The following POFUT2 variants were observed in gnomAD, a reference collection of about 807,000 sequenced individuals.
The protein encoded by POFUT2 is GDP-fucose protein O-fucosyltransferase 2.
Under a neutral mutation model 55.0 loss-of-function variants are expected in POFUT2, and 30 were observed. The ratio of observed to expected loss-of-function variants is 0.55; its 90% CI spans 0.41 to 0.74. The LOEUF is 0.74. Among genes scored for constraint, POFUT2 ranks in the 30% least tolerant of loss-of-function variants. The probability of loss-of-function intolerance (pLI) is 0.00; values close to 1 mark genes in which losing one functional copy is unlikely to be tolerated. For synonymous variants in POFUT2, 267 were observed against 231.1 expected, an observed-to-expected ratio of 1.16 and a Z score of -1.41; for missense variants, 524 against 562.6, an observed-to-expected ratio of 0.93 and a Z score of 0.69.
chr21:45,265,444 G>T lies in POFUT2; in HGVS notation c.*38C>A. On this transcript the variant is annotated 3_prime_UTR_variant, in exon 9 of 9. Transcript: ENST00000349485. The surrounding 1 kb of genome is among the most constrained non-coding windows in gnomAD (Gnocchi z 4.6). ...GGCGACAGAACCTGCATCCACCCGCGCCTGTCGGGTCCGGGGAGCGGCCCT... is the reference window on the plus strand; with the variant it reads ...GGCGACAGAACCTGCATCCACCCGCTCCTGTCGGGTCCGGGGAGCGGCCCT... 1 of 1,559,938 alleles carries T rather than the reference G, an allele frequency of 6.4e-7. No individual in the cohort carries two copies. Among genetic ancestry groups the T allele is most frequent in the Non-Finnish European group, 8.7e-7 (1 of 1,146,296 alleles).
intron 8 of POFUT2, chr21:45,266,883 C>A (rs913008042): frequency 7.9e-6 from 8 of 1,007,346 alleles, no homozygotes; most frequent in African/African-American, 1.7e-5. Flanking sequence ...TAACTCAAAC[C>A]GTTTCACCCT....
chr21:45,275,767 A>C (rs924246632), intron 6 of POFUT2, among the ~76,000 whole-genome samples: 2 of 152,190 alleles, frequency 1.3e-5, no homozygotes, highest in Non-Finnish European at 2.9e-5. Context: ...TGAGGGATAA[A>C]AGACTACACA....
intron 4 of POFUT2, among the ~76,000 whole-genome samples, chr21:45,279,099 A>G (rs527691302): frequency 2.0e-5 from 3 of 152,354 alleles, no homozygotes; most frequent in African/African-American, 7.2e-5. Context: ...AAAAATAAAA[A>G]TTTTAATTTT....
chr21:45,268,639 C>T (rs1296506512), intron 7 of POFUT2, among the ~76,000 whole-genome samples: 1 of 151,962 alleles, frequency 6.6e-6, no homozygotes, highest in Non-Finnish European at 1.5e-5. Context: ...CCCGCCGCCC[C>T]ATCTGGGATG....
chr21:45,264,210 C>CCT lies in POFUT2; in HGVS notation c.*1271_*1272insAG, dbSNP rs200368913. Reference sequence around the variant, plus strand: ...GGCTCCGAAAGGAAGAGCTGTCTGTCCCTCCTAACTGTCCTCTCTCTGTCA... The same window carrying CCT: ...GGCTCCGAAAGGAAGAGCTGTCTGTCCTCCTCCTAACTGTCCTCTCTCTGTCA... On this transcript the variant is annotated 3_prime_UTR_variant, in exon 9 of 9. Coordinates refer to ENST00000349485, the MANE Select transcript of POFUT2 (RefSeq NM_133635.6). The CCT allele has an allele frequency of 5.5e-4, 64 of 117,352 alleles. No individual in the cohort carries two copies. Among genetic ancestry groups the CCT allele is most frequent in the African/African-American group, 2.8e-3 (64 of 22,952 alleles). 7.3% of individuals were successfully genotyped at this position (117,352 alleles called of 1,614,324 possible).
intron 4 of POFUT2, among the ~76,000 whole-genome samples, chr21:45,280,208 C>G (rs1406053991): frequency 2.0e-5 from 3 of 152,240 alleles, no homozygotes; most frequent in South Asian, 2.1e-4. Flanking sequence ...CAGGGGCCTC[C>G]CCGGCATCCT....
rs778849921 is a variant in POFUT2 at position 45,287,695 on chromosome 21, G to A, written c.131+46C>T. The A allele has an allele frequency of 4.9e-6, 6 of 1,222,876 alleles. No homozygotes were observed. The African/African-American group carries it at 8.2e-5, about 17-fold the overall frequency. The allele number at this position is 1,222,876 out of a possible 1,614,324, so 75.8% of individuals were successfully genotyped here. On this transcript the variant is annotated intron_variant, in intron 1 of 8. Coordinates refer to ENST00000349485, the MANE Select transcript of POFUT2 (RefSeq NM_133635.6). The stretch of plus-strand genomic sequence containing the variant: ...CGCCCCCATCCCATCCTCTGACCCT[G>A]CCCGGTCCTGGAACCCCAGCGTTGG...
intron 1 of POFUT2, among the ~76,000 whole-genome samples, chr21:45,287,287 C>T (rs1388672827): frequency 1.1e-5 from 1 of 94,596 alleles, no homozygotes; most frequent in African/African-American, 4.3e-5. Context: ...CCCTCGGGCC[C>T]CCGTTCCTGC....
Position 45,285,509 on chromosome 21 carries a change from C to A in POFUT2, c.382+169G>T. 1 of 761,990 alleles carries A rather than the reference C, an allele frequency of 1.3e-6. No homozygotes were observed. The highest frequency in any genetic ancestry group is 1.4e-5 in the South Asian group (1 of 69,216). 47.2% of individuals were successfully genotyped at this position (761,990 alleles called of 1,614,324 possible). On this transcript the variant is annotated intron_variant, in intron 2 of 8. Coordinates refer to ENST00000349485, the MANE Select transcript of POFUT2 (RefSeq NM_133635.6). The surrounding 1 kb of genome is among the most constrained non-coding windows in gnomAD (Gnocchi z 4.9). ...ACTGCAGCGTGGGAAAGGGACTGTG[C>A]TCCTGAACGGAGGAGGTGCTGCCAC...
Position 45,270,608 on chromosome 21 carries a change from C to T in POFUT2, c.832-589G>A, listed in dbSNP as rs1234506217. On this transcript the variant is annotated intron_variant, in intron 6 of 8. Transcript: ENST00000349485. This position sits in a 1 kb window ranked among gnomAD's most constrained non-coding sequence, Gnocchi z 4.6. ...ACCAGCATTCGAGAAAGCCAGTGCA[C>T]TCAACAAAACTACAACCAAGGACCC... is the stretch of plus-strand genomic sequence containing the variant. Among the ~76,000 whole-genome samples the T allele has an allele frequency of 6.6e-6, 1 of 152,246 alleles. No individual in the cohort carries two copies. Among genetic ancestry groups the T allele is most frequent in the African/African-American group, 2.4e-5 (1 of 41,458 alleles).
chr21:45,283,023 G>C, intron 3 of POFUT2: 1 of 431,110 alleles, frequency 2.3e-6, no homozygotes, highest in East Asian at 7.0e-5. Flanking sequence ...CCATTCTCCA[G>C]GCCTCAGCAC....
chr21:45,265,841 G>A lies in POFUT2; in HGVS notation c.1137-206C>T, dbSNP rs2093148923. ...TGCCCTCGACATCGGCGCCCTGAGG[G>A]GCTCTGCCTGGTGCTGCAGCCCCAT... On this transcript the variant is annotated intron_variant, in intron 8 of 8. Transcript: ENST00000349485. The surrounding 1 kb of genome is among the most constrained non-coding windows in gnomAD (Gnocchi z 4.6). The A allele has an allele frequency of 1.4e-6, 2 of 1,391,496 alleles. No individual in the cohort carries two copies. Among genetic ancestry groups the A allele is most frequent in the Non-Finnish European group, 1.9e-6 (2 of 1,071,966 alleles). The allele number at this position is 1,391,496 out of a possible 1,614,324, so 86.2% of individuals were successfully genotyped here.
Position 45,277,212 on chromosome 21 carries a change from C to T in POFUT2, c.706-70G>A. On this transcript the variant is annotated intron_variant, in intron 5 of 8. Transcript: ENST00000349485. This position sits in a 1 kb window ranked among gnomAD's most constrained non-coding sequence, Gnocchi z 6.9. Reference sequence around the variant, plus strand: ...ACGCAGCCCTCCCGGAGCGGGTTCTCCTGTCGCTGCCACCACCCACCCCCG... The same window carrying T: ...ACGCAGCCCTCCCGGAGCGGGTTCTTCTGTCGCTGCCACCACCCACCCCCG... 3.8e-6 allele frequency: 6 copies of T among 1,565,008 alleles called. No individual in the cohort carries two copies. Among genetic ancestry groups the T allele is most frequent in the Non-Finnish European group, 4.3e-6 (5 of 1,157,562 alleles).
At chr21:45,274,135 A>G (rs148859373) in intron 6 of POFUT2, among the ~76,000 whole-genome samples, 372 of 152,344 alleles carry the variant, frequency 2.4e-3, no homozygotes, top group African/African-American at 8.4e-3. Flanking sequence ...CACAAAATCA[A>G]TGTACACAAC....
At position 45,287,782 on chromosome 21, in the gene POFUT2, T is replaced by C. The variant is rs2146721357; in HGVS notation, c.90A>G (p.Gln30=). ...CCCCCGACAGAATATCGGCCGCCGA[T>C]TGTCCGGGCCAGAACTCCTGGCCGG... ...SASGQEFWPG[Q]SAADILSGAA... Residue 30 remains glutamine, a synonymous_variant, in exon 1 of 9, where the codon CAA becomes CAG. Coordinates refer to ENST00000349485, the MANE Select transcript of POFUT2 (RefSeq NM_133635.6). 5 of 1,504,186 alleles carry C rather than the reference T, an allele frequency of 3.3e-6. No homozygotes were observed. The East Asian group carries it at 1.1e-4, about 32-fold the overall frequency. 93.2% of individuals were successfully genotyped at this position (1,504,186 alleles called of 1,614,324 possible).
rs770317114 is a variant in POFUT2 at position 45,282,482 on chromosome 21, G to A, written c.528-23C>T. 7.4e-6 allele frequency: 10 copies of A among 1,356,232 alleles called. No individual in the cohort carries two copies. Among genetic ancestry groups the A allele is most frequent in the Non-Finnish European group, 1.1e-5 (10 of 946,166 alleles). 84.0% of individuals were successfully genotyped at this position (1,356,232 alleles called of 1,614,324 possible). A position where few individuals can be genotyped will look rare whatever the true frequency, so the allele number is the denominator to read the frequency against. ...CCTCTGGAAAACAAAACCCACAGCAGCTCTATCAGTTTATTTTGCTTTCAC... is the reference window on the plus strand; with the variant it reads ...CCTCTGGAAAACAAAACCCACAGCAACTCTATCAGTTTATTTTGCTTTCAC... On this transcript the variant is annotated intron_variant, in intron 3 of 8. Transcript: ENST00000349485. This position sits in a 1 kb window ranked among gnomAD's most constrained non-coding sequence, Gnocchi z 4.6.
In POFUT2 at chr21:45,281,311, C is replaced by G. The variant is rs1165103873; in HGVS notation, c.638+1038G>C. Reference sequence around the variant, plus strand: ...CAGGCCCCAAACGTAGGCAGACTGGCTTCCAAAACCCGAATATTGTCATGA... The same window carrying G: ...CAGGCCCCAAACGTAGGCAGACTGGGTTCCAAAACCCGAATATTGTCATGA... On this transcript the variant is annotated intron_variant, in intron 4 of 8. Coordinates refer to ENST00000349485, the MANE Select transcript of POFUT2 (RefSeq NM_133635.6). This position sits in a 1 kb window ranked among gnomAD's most constrained non-coding sequence, Gnocchi z 5.0. Among the ~76,000 whole-genome samples the G allele has an allele frequency of 6.6e-6, 1 of 152,234 alleles. No individual in the cohort carries two copies. Among genetic ancestry groups the G allele is most frequent in the African/African-American group, 2.4e-5 (1 of 41,460 alleles).
In POFUT2 at chr21:45,267,727, G is replaced by A. The variant is rs768328861; in HGVS notation, c.1013-14C>T. ...GCTCTTCATATTCTGCAAAGTAGAAGGAGAGACCCTTTGAACCGGGATCCT... is the reference window on the plus strand; with the variant it reads ...GCTCTTCATATTCTGCAAAGTAGAAAGAGAGACCCTTTGAACCGGGATCCT... On this transcript the variant is annotated splice_polypyrimidine_tract_variant and intron_variant, in intron 7 of 8. Coordinates refer to ENST00000349485, the MANE Select transcript of POFUT2 (RefSeq NM_133635.6). The surrounding 1 kb of genome is among the most constrained non-coding windows in gnomAD (Gnocchi z 4.4). 1.4e-5 allele frequency: 23 copies of A among 1,611,456 alleles called. No homozygotes were observed. The highest frequency in any genetic ancestry group is 1.6e-4 in the Middle Eastern group (1 of 6,076).
Position 45,285,699 on chromosome 21 carries a change from C to T in POFUT2, c.361G>A (p.Glu121Lys), listed in dbSNP as rs771740503. 1.9e-6 allele frequency: 3 copies of T among 1,613,730 alleles called. No homozygotes were observed. The highest frequency in any genetic ancestry group is 2.2e-5 in the East Asian group (1 of 44,888). The change falls in exon 2 of 9, where the codon GAG (glutamate) becomes AAG (lysine). Residue 121 changes from glutamate to lysine, a missense_variant. Physicochemically the swap from Glu to Lys is moderately conservative, Grantham distance 56. This residue lies in a region of POFUT2 where 274 missense variants were observed against 244.4 expected (regional missense o/e 1.12). Coordinates refer to ENST00000349485, the MANE Select transcript of POFUT2 (RefSeq NM_133635.6). The surrounding 1 kb of genome is among the most constrained non-coding windows in gnomAD (Gnocchi z 4.9). Reference protein sequence around the residue: ...PSLNKNIPVIEYEQFIAESGG... With the variant: ...PSLNKNIPVIKYEQFIAESGG... ...TCACCTGCGATGAACTGCTCATACT[C>T]GATGACGGGGATGTTTTTATTGAGA...
Sources: allele counts gnomAD v4.1 joint callset (sites outside exome capture counted in the v4.1 genomes callset), GRCh38; gene constraint gnomAD v4.1.1; regional missense constraint gnomAD v4.1.1; non-coding constraint Gnocchi (gnomAD v3.1); transcripts MANE v1.5; gene names NCBI Gene and HGNC (gene_info 2026-07-23, HGNC 2026-07-21).